The following GLI3 variants were observed in gnomAD, a reference collection of about 807,000 sequenced individuals.
GLI3 encodes GLI family zinc finger 3.
GLI3 carries 20 observed loss-of-function variants against 100.8 expected under a neutral mutation model. The ratio of observed to expected loss-of-function variants is 0.20; its 90% CI spans 0.14 to 0.29. GLI3 has a LOEUF of 0.29. Among genes scored for constraint, GLI3 ranks in the 10% least tolerant of loss-of-function variants. The pLI, the probability that GLI3 is intolerant of heterozygous loss-of-function variation, is 1.00. For synonymous variants in GLI3, 938 were observed against 860.5 expected, an observed-to-expected ratio of 1.09 and a Z score of -1.58; for missense variants, 2,040 against 2,128.5, an observed-to-expected ratio of 0.96 and a Z score of 0.82.
intron 1 of GLI3, among the ~76,000 whole-genome samples, chr7:42,250,268 A>G (rs1056765996): frequency 7.9e-5 from 12 of 151,968 alleles, no homozygotes; most frequent in African/African-American, 2.7e-4. Context: ...TGCTATTTTC[A>G]CTCCTTAAAA....
At chr7:42,063,354 G>A (rs1436829849) in intron 4 of GLI3, among the ~76,000 whole-genome samples, 1 of 151,966 alleles carries the variant, frequency 6.6e-6, no homozygotes, top group Non-Finnish European at 1.5e-5. Context: ...CTGATCTAAA[G>A]GTGCAAAATT....
At chr7:42,230,578 C>A (rs1259971434) in intron 1 of GLI3, among the ~76,000 whole-genome samples, 1 of 152,206 alleles carries the variant, frequency 6.6e-6, no homozygotes, top group African/African-American at 2.4e-5. Context: ...TCACAAACAA[C>A]ATTTCTGTGA....
At position 41,988,988 on chromosome 7, in the gene GLI3, G is replaced by A. The variant is rs147661227; in HGVS notation, c.1498-10240C>T. On this transcript the variant is annotated intron_variant, in intron 10 of 14. Coordinates refer to ENST00000395925, the MANE Select transcript of GLI3 (RefSeq NM_000168.6). ...ATTTTACATGGAGAAGTAAAGTGAC[G>A]TGTGTAAACTATTCTAAGACTCTGT... Among the ~76,000 whole-genome samples the A allele has an allele frequency of 1.6e-3, 249 of 152,290 alleles. 1 individual carries two copies. The highest frequency in any genetic ancestry group is 2.5e-3 in the Non-Finnish European group (169 of 68,020).
intron 1 of GLI3, among the ~76,000 whole-genome samples, chr7:42,251,612 G>A (rs557944256): frequency 6.9e-4 from 105 of 152,096 alleles, no homozygotes; most frequent in Non-Finnish European, 1.2e-3. Flanking sequence ...AGAGGGAGAG[G>A]GAGAGAAGAG....
At chr7:42,059,318 G>T (rs1384192710) in intron 4 of GLI3, among the ~76,000 whole-genome samples, 1 of 151,706 alleles carries the variant, frequency 6.6e-6, no homozygotes, top group African/African-American at 2.4e-5. Context: ...TCTAATAAAT[G>T]AAAGACATTT....
chr7:42,095,393 G>C (rs1284076581), intron 3 of GLI3, among the ~76,000 whole-genome samples: 1 of 152,206 alleles, frequency 6.6e-6, no homozygotes, highest in Non-Finnish European at 1.5e-5. Flanking sequence ...CAGGAGACTG[G>C]AATGATCAAA....
intron 3 of GLI3, chr7:42,118,065 A>T (rs1328314110): frequency 2.9e-6 from 1 of 346,028 alleles, no homozygotes; most frequent in Non-Finnish European, 5.1e-6. Context: ...AGATAAGATG[A>T]ATTTGCCTTT....
At chr7:42,233,787 A>G (rs919327114) in intron 1 of GLI3, among the ~76,000 whole-genome samples, 4 of 152,206 alleles carry the variant, frequency 2.6e-5, no homozygotes, top group Non-Finnish European at 5.9e-5. Flanking sequence ...TAGAAAAATG[A>G]CAACGTGAAG....
intron 2 of GLI3, among the ~76,000 whole-genome samples, chr7:42,186,594 T>C (rs960241986): frequency 6.6e-6 from 1 of 152,160 alleles, no homozygotes; most frequent in Admixed American, 6.5e-5. Context: ...CCCCTGACCA[T>C]CAGTGCAACT....
intron 10 of GLI3, among the ~76,000 whole-genome samples, chr7:41,993,566 G>C (rs1788045251): frequency 6.6e-6 from 1 of 152,146 alleles, no homozygotes; most frequent in South Asian, 2.1e-4. Context: ...CCGCCCACCA[G>C]AATGTGAATT....
intron 3 of GLI3, among the ~76,000 whole-genome samples, chr7:42,085,664 G>C (rs1369865510): frequency 2.0e-5 from 3 of 152,134 alleles, no homozygotes; most frequent in Non-Finnish European, 4.4e-5. Flanking sequence ...CTTCAAACGT[G>C]ATCCCTGCCA....
At chr7:42,061,446 CT>C (rs1784567387) in intron 4 of GLI3, among the ~76,000 whole-genome samples, 1 of 152,138 alleles carries the variant, frequency 6.6e-6, no homozygotes, top group Non-Finnish European at 1.5e-5. Flanking sequence ...TCCCCTGATT[CT>C]TTTAATCACC....
At chr7:42,124,667 C>T (rs1336679369) in intron 3 of GLI3, among the ~76,000 whole-genome samples, 1 of 152,220 alleles carries the variant, frequency 6.6e-6, no homozygotes, top group African/African-American at 2.4e-5. Context: ...ACTTGCTTGC[C>T]TTCAAGTGCC....
intron 7 of GLI3, among the ~76,000 whole-genome samples, chr7:42,029,468 C>T (rs1034717242): frequency 2.0e-5 from 3 of 152,182 alleles, no homozygotes; most frequent in Admixed American, 1.3e-4. Context: ...CACGCATACC[C>T]TCAACTCTCT....
intron 10 of GLI3, among the ~76,000 whole-genome samples, chr7:42,009,884 CTCTG>C (rs1473388765): frequency 5.9e-5 from 9 of 152,240 alleles, no homozygotes; most frequent in African/African-American, 1.9e-4. Context: ...ACAGCATCCT[CTCTG>C]TGGCCATCAG....
At chr7:42,136,877 G>C (rs765384295) in intron 3 of GLI3, among the ~76,000 whole-genome samples, 6 of 152,188 alleles carry the variant, frequency 3.9e-5, no homozygotes, top group Non-Finnish European at 8.8e-5. Flanking sequence ...CCCCAGCTGG[G>C]CTGATCCCAA....
intron 4 of GLI3, among the ~76,000 whole-genome samples, chr7:42,051,437 C>A (rs542809851): frequency 6.6e-5 from 10 of 152,272 alleles, no homozygotes; most frequent in Non-Finnish European, 1.2e-4. Context: ...TACACACACA[C>A]ACATATATAC....
chr7:42,148,515 G>T (rs371440648), intron 2 of GLI3, 47 bp from the exon 3 acceptor site: 4 of 1,567,886 alleles, frequency 2.6e-6, no homozygotes, highest in East Asian at 4.5e-5. Context: ...ACTTTAAGGA[G>T]CAATTAAAAA....
At chr7:42,177,271 TG>T (rs1053967932) in intron 2 of GLI3, among the ~76,000 whole-genome samples, 14 of 151,426 alleles carry the variant, frequency 9.2e-5, no homozygotes, top group Non-Finnish European at 1.5e-4. Flanking sequence ...TGATGCAGAG[TG>T]GGGAGGAGAG....
Sources: gnomAD v4.1 joint callset for allele counts (sites outside exome capture counted in the v4.1 genomes callset) on GRCh38, gnomAD v4.1.1 for gene constraint, MANE v1.5 for transcripts, NCBI Gene and HGNC (gene_info 2026-07-23, HGNC 2026-07-21) for gene names.